The following OTULIN variants were observed in gnomAD, a reference collection of about 807,000 sequenced individuals.
The protein encoded by OTULIN is OTU deubiquitinase with linear linkage specificity.
OTULIN carries 15 observed loss-of-function variants against 39.6 expected under a neutral mutation model. That is an observed-to-expected ratio of 0.38 (90% CI 0.25 to 0.58). The LOEUF is 0.58. Among genes scored for constraint, OTULIN ranks in the 20% least tolerant of loss-of-function variants. The probability of loss-of-function intolerance (pLI) is 0.66; values close to 1 mark genes in which losing one functional copy is unlikely to be tolerated. For synonymous variants in OTULIN, 156 were observed against 170.3 expected (o/e 0.92, Z 0.65); for missense variants, 319 against 445.9 (o/e 0.72, Z 2.56).
intron 1 of OTULIN, 148 bp downstream of exon 1, chr5:14,665,125 A>G: frequency 1.4e-6 from 1 of 695,794 alleles, no homozygotes; most frequent in Non-Finnish European, 1.8e-6. Context: ...GAATTGGCAG[A>G]CAGTTTTCCC....
At chr5:14,678,253 G>C (rs1021308581) in intron 2 of OTULIN, among the ~76,000 whole-genome samples, 1 of 152,252 alleles carries the variant, frequency 6.6e-6, no homozygotes, top group African/African-American at 2.4e-5. Flanking sequence ...AGGTGTTTTG[G>C]AGAGTATTGG....
the OTULIN span, among the ~76,000 whole-genome samples, chr5:14,712,685 C>T: frequency 6.6e-6 from 1 of 152,212 alleles, no homozygotes; most frequent in Non-Finnish European, 1.5e-5. Flanking sequence ...TTGCTGCCTT[C>T]AGCTTTTCCC....
chr5:14,681,037 G>A (rs940615458), intron 3 of OTULIN, among the ~76,000 whole-genome samples: 1 of 152,100 alleles, frequency 6.6e-6, no homozygotes, highest in African/African-American at 2.4e-5. Context: ...TCCAGCCTGG[G>A]CAACGAGAGC....
intron 5 of OTULIN, among the ~76,000 whole-genome samples, chr5:14,688,186 A>G (rs892333140): frequency 2.0e-5 from 3 of 152,038 alleles, no homozygotes; most frequent in African/African-American, 7.3e-5. Context: ...TTGAAATTCT[A>G]CCTTTCTGTG....
chr5:14,666,434 C>G (rs1735847289), intron 1 of OTULIN, among the ~76,000 whole-genome samples: 1 of 152,142 alleles, frequency 6.6e-6, no homozygotes, highest in Non-Finnish European at 1.5e-5. Context: ...CTAGGTTTGT[C>G]ATTTTACACA....
In OTULIN at chr5:14,693,613, T is replaced by C. The variant is rs1425147727; in HGVS notation, c.*565T>C. ...TTACTGGCATAGTCATGACAACCTC[T>C]GGTAATCTTACCTTCTCCTTTTTAT... On this transcript the variant is annotated 3_prime_UTR_variant, in exon 7 of 7. Coordinates refer to ENST00000284274, the MANE Select transcript of OTULIN (RefSeq NM_138348.6). 6.6e-6 allele frequency: 1 copy of C among 152,234 alleles called. No homozygotes were observed. Among genetic ancestry groups the C allele is most frequent in the Non-Finnish European group, 1.5e-5 (1 of 68,068 alleles). The allele number at this position is 152,234 out of a possible 1,614,324, so 9.4% of individuals were successfully genotyped here. A position where few individuals can be genotyped will look rare whatever the true frequency, so the allele number is the denominator to read the frequency against.
At chr5:14,713,183 C>T in the OTULIN span, among the ~76,000 whole-genome samples, 1 of 152,172 alleles carries the variant, frequency 6.6e-6, no homozygotes, top group Non-Finnish European at 1.5e-5. The surrounding 1 kb of genome is among the most constrained non-coding windows in gnomAD (Gnocchi z 4.4). Flanking sequence ...TCCCACAGCA[C>T]ATGGATCCCA....
rs551994387 is a variant in OTULIN, at chr5:14,696,531, A to G, written c.*3483A>G. 5 of 152,378 alleles carry G rather than the reference A, an allele frequency of 3.3e-5. No homozygotes were observed. The highest frequency in any genetic ancestry group is 6.5e-5 in the Admixed American group (1 of 15,302). The allele number at this position is 152,378 out of a possible 1,614,324, so 9.4% of individuals were successfully genotyped here. ...ACATAGAATTCCCAAATAGTTTAGCAAAGGCAGGGCGCAATATCAAGTAAT... is the reference window on the plus strand; with the variant it reads ...ACATAGAATTCCCAAATAGTTTAGCGAAGGCAGGGCGCAATATCAAGTAAT... On this transcript the variant is annotated 3_prime_UTR_variant, in exon 7 of 7. Coordinates refer to ENST00000284274, the MANE Select transcript of OTULIN (RefSeq NM_138348.6).
rs1235569370 is a variant in OTULIN, at chr5:14,664,742, G to T, written c.-84G>T. 1.8e-6 allele frequency: 2 copies of T among 1,083,052 alleles called. No individual in the cohort carries two copies. Among genetic ancestry groups the T allele is most frequent in the Admixed American group, 1.0e-4 (2 of 19,370 alleles). 67.1% of individuals were successfully genotyped at this position (1,083,052 alleles called of 1,614,324 possible). A position where few individuals can be genotyped will look rare whatever the true frequency, so the allele number is the denominator to read the frequency against. On this transcript the variant is annotated 5_prime_UTR_variant, in exon 1 of 7. Transcript: ENST00000284274. ...CGGAAACCGCCCCGGCGGCTGAGAG[G>T]CTGCGGCCACTGCCTGGCACCCCGA...
chr5:14,677,596 C>T (rs1736136616), intron 2 of OTULIN, among the ~76,000 whole-genome samples: 1 of 152,086 alleles, frequency 6.6e-6, no homozygotes, highest in Admixed American at 6.6e-5. Flanking sequence ...ATATATTAAA[C>T]TAGGGAAAAT....
intron 1 of OTULIN, 25 bp downstream of exon 1, chr5:14,665,002 C>T: frequency 9.6e-7 from 1 of 1,040,182 alleles, no homozygotes; most frequent in Non-Finnish European, 1.2e-6. Flanking sequence ...GCGCGGGGCG[C>T]GGGCCGTGGG....
chr5:14,669,903 A>T (rs1735940106), intron 1 of OTULIN, among the ~76,000 whole-genome samples: 1 of 152,326 alleles, frequency 6.6e-6, no homozygotes, highest in South Asian at 2.1e-4. Flanking sequence ...CATCTCAAAC[A>T]TTTATCATTT....
intron 1 of OTULIN, among the ~76,000 whole-genome samples, chr5:14,665,200 T>C (rs896267815): frequency 1.3e-5 from 2 of 152,232 alleles, no homozygotes; most frequent in African/African-American, 4.8e-5. Context: ...GTGACTCCCC[T>C]CTCGTCTCAT....
chr5:14,678,495 G>GA (rs902873891), intron 2 of OTULIN, among the ~76,000 whole-genome samples, 186 bp from the exon 3 acceptor site: 1 of 152,204 alleles, frequency 6.6e-6, no homozygotes, highest in African/African-American at 2.4e-5. Context: ...CCCATTGGGA[G>GA]ACCCCCATGG....
chr5:14,666,587 C>G (rs1057152255), intron 1 of OTULIN, among the ~76,000 whole-genome samples: 4 of 152,152 alleles, frequency 2.6e-5, no homozygotes, highest in Non-Finnish European at 5.9e-5. Context: ...TTTTTTTCCC[C>G]CCTTGGTTTG....
At chr5:14,685,088 G>C (rs1201249335) in intron 4 of OTULIN, among the ~76,000 whole-genome samples, 2 of 152,228 alleles carry the variant, frequency 1.3e-5, no homozygotes, top group African/African-American at 2.4e-5. Flanking sequence ...TGGTTCCTGA[G>C]GAGGGTACCC....
chr5:14,711,099 C>CAAA, the OTULIN span: 1 of 1,135,526 alleles, frequency 8.8e-7, no homozygotes, highest in South Asian at 1.2e-5. Context: ...CAAAACAAAA[C>CAAA]AAAAAAAAGG....
intron 1 of OTULIN, among the ~76,000 whole-genome samples, chr5:14,665,905 C>A (rs763402689): frequency 6.6e-6 from 1 of 152,188 alleles, no homozygotes; most frequent in Non-Finnish European, 1.5e-5. Context: ...TGGTGTTATT[C>A]ACACTTAATG....
In OTULIN at chr5:14,695,045, T is replaced by C. The variant is rs1454549973; in HGVS notation, c.*1997T>C. On this transcript the variant is annotated 3_prime_UTR_variant, in exon 7 of 7. Coordinates refer to ENST00000284274, the MANE Select transcript of OTULIN (RefSeq NM_138348.6). The stretch of plus-strand genomic sequence containing the variant: ...ATTTTAAGAATACTCATGTTAATAA[T>C]AGTCATCTATCCTTGCATTTTGAAA... 3 of 152,230 alleles carry C rather than the reference T, an allele frequency of 2.0e-5. No individual in the cohort carries two copies. Among genetic ancestry groups the C allele is most frequent in the African/African-American group, 7.2e-5 (3 of 41,456 alleles). The allele number at this position is 152,230 out of a possible 1,614,324, so 9.4% of individuals were successfully genotyped here. A position where few individuals can be genotyped will look rare whatever the true frequency, so the allele number is the denominator to read the frequency against.
Sources: allele counts gnomAD v4.1 joint callset (sites outside exome capture counted in the v4.1 genomes callset), GRCh38; gene constraint gnomAD v4.1.1; non-coding constraint Gnocchi (gnomAD v3.1); transcripts MANE v1.5; gene names NCBI Gene and HGNC (gene_info 2026-07-23, HGNC 2026-07-21).